SFTPB: variants seen among roughly 807,000 people sequenced by gnomAD.
SFTPB encodes the protein surfactant protein B.
Under a neutral mutation model 51.0 loss-of-function variants are expected in SFTPB, and 32 were observed. The observed-to-expected ratio is 0.63, with a 90% confidence interval of 0.47 to 0.84. SFTPB has a LOEUF of 0.84. Among genes scored for constraint, SFTPB ranks in the 40% least tolerant of loss-of-function variants. SFTPB has a pLI of 0.00. For synonymous variants in SFTPB, 211 were observed against 208.5 expected (o/e 1.01, Z -0.10); for missense variants, 431 against 491.2 (o/e 0.88, Z 1.16).
chr2:85,665,729 C>T lies in SFTPB; in HGVS notation c.459G>A (p.Glu153=), dbSNP rs773765909. ...TGGGCAGGGGGTCTGACATCCCTGG[C>T]TCCTGCTCTGGCTCTGGCTGCCGGG... The part of the protein sequence containing the change: ...CKSRQPEPEQ[E]PGMSDPLPKP... Residue 153 remains glutamate (E), a synonymous_variant, in exon 5 of 11, where the codon GAG becomes GAA. Transcript: ENST00000519937. 7 of 1,614,212 alleles carry T rather than the reference C, an allele frequency of 4.3e-6. No individual in the cohort carries two copies. In the South Asian group the frequency reaches 7.7e-5, roughly 18 times the overall value.
chr2:85,666,666 A>G lies in SFTPB; in HGVS notation c.344T>C (p.Val115Ala). 6.2e-7 allele frequency: 1 copy of G among 1,613,774 alleles called. No homozygotes were observed. Among genetic ancestry groups the G allele is most frequent in the South Asian group, 1.1e-5 (1 of 91,084 alleles). The change falls in exon 4 of 11, where the codon GTG becomes GCG. Residue 115 changes from valine to alanine, a missense_variant. Transcript: ENST00000519937. ...LKLLMPQCNQ[V>A]LDDYFPLVID... is the part of the protein sequence containing the mutation. Reference sequence around the variant, plus strand: ...GACCAGGGGGAAGTAGTCGTCAAGCACTTGGTTGCACTGGGGCATGAGCAG... The same window carrying G: ...GACCAGGGGGAAGTAGTCGTCAAGCGCTTGGTTGCACTGGGGCATGAGCAG...
rs1220808981 is a variant in SFTPB at position 85,665,301 on chromosome 2, G to A, written c.660C>T (p.Ala220=). Reference sequence around the variant, plus strand: ...CTGGATGCCTCACCTTGGGAATCATGGCTTGGATCCGCTTGATCAGAGCCC... The same window carrying A: ...CTGGATGCCTCACCTTGGGAATCATAGCTTGGATCCGCTTGATCAGAGCCC... ...LCRALIKRIQ[A]MIPKGALAVA... is the part of the protein sequence containing the mutation. Residue 220 remains alanine (A), a synonymous_variant, in exon 6 of 11, where the codon GCC becomes GCT. Transcript: ENST00000519937. 1 of 1,613,798 alleles carries A rather than the reference G, an allele frequency of 6.2e-7. No homozygotes were observed.
chr2:85,666,466 T>A, intron 4 of SFTPB, 151 bp downstream of exon 4: 1 of 700,004 alleles, frequency 1.4e-6, no homozygotes, highest in Non-Finnish European at 2.4e-6. Context: ...TGGGGTGCTG[T>A]GTGTTTGTGT....
Position 85,666,090 on chromosome 2 carries a change from C to T in SFTPB, c.394-296G>A, listed in dbSNP as rs148809685. ...AGGGTGTGTGAGCGTACAGGCCCAC[C>T]GTGTGCACCTGAACCTGGGGGCCCA... On this transcript the variant is annotated intron_variant, in intron 4 of 10. Coordinates refer to ENST00000519937, the MANE Select transcript of SFTPB (RefSeq NM_000542.5). Among the ~76,000 whole-genome samples the T allele has an allele frequency of 2.2e-4, 34 of 152,122 alleles. 1 individual carries two copies. In the East Asian group the frequency reaches 2.7e-3, roughly 12 times the overall value.
rs34530476 is a variant in SFTPB, at chr2:85,666,215, CTGTGTGTGTGTGTG to C, written c.393+388_393+401del. ...GGCCAGCTGGGGTGCTGTGTGTGTG[CTGTGTGTGTGTGTG>C]TGTGTGTGTGTGTGTGTGTGTCTGG... On this transcript the variant is annotated intron_variant, in intron 4 of 10. Coordinates refer to ENST00000519937, the MANE Select transcript of SFTPB (RefSeq NM_000542.5). Among the ~76,000 whole-genome samples, 21 of 96,440 alleles carry C rather than the reference CTGTGTGTGTGTGTG, an allele frequency of 2.2e-4. No homozygotes were observed. In the East Asian group the frequency reaches 2.8e-3, roughly 13 times the overall value. 63.3% of individuals were successfully genotyped at this position (96,440 alleles called of 152,430 possible). A position where few individuals can be genotyped will look rare whatever the true frequency, so the allele number is the denominator to read the frequency against.
At chr2:85,661,795 A>T (rs1193972374) in intron 9 of SFTPB, among the ~76,000 whole-genome samples, 1 of 152,118 alleles carries the variant, frequency 6.6e-6, no homozygotes, top group African/African-American at 2.4e-5. Flanking sequence ...GCCCCATCCT[A>T]TAATGGACAT....
chr2:85,668,453 C>T (rs1447248892), upstream of SFTPB, among the ~76,000 whole-genome samples: 1 of 152,242 alleles, frequency 6.6e-6, no homozygotes, highest in Non-Finnish European at 1.5e-5. Context: ...GGCTCTCAAG[C>T]CTCCATACCT....
At chr2:85,661,151 C>A (rs748863563) in intron 10 of SFTPB, 76 of 327,632 alleles carry the variant, frequency 2.3e-4, no homozygotes, top group African/African-American at 1.3e-3. Flanking sequence ...GCCAGAGAGT[C>A]CCTGGGGCAA....
intron 3 of SFTPB, 84 bp from the exon 4 acceptor site, chr2:85,666,826 A>G: frequency 6.4e-7 from 1 of 1,568,768 alleles, no homozygotes; most frequent in Non-Finnish European, 8.8e-7. Context: ...CCACCAGGGC[A>G]GACTGACCCC....
chr2:85,661,788 C>G (rs943503407), intron 9 of SFTPB, among the ~76,000 whole-genome samples: 3 of 152,166 alleles, frequency 2.0e-5, no homozygotes, highest in Non-Finnish European at 4.4e-5. Flanking sequence ...GAACACAGCC[C>G]CATCCTATAA....
At chr2:85,663,265 C>G in intron 8 of SFTPB, 81 bp downstream of exon 8, 5 of 1,583,150 alleles carry the variant, frequency 3.2e-6, no homozygotes, top group Non-Finnish European at 2.6e-6. Flanking sequence ...CTAGGTGTCT[C>G]TGGCTGCAAA....
At chr2:85,663,276 G>A in intron 8 of SFTPB, 70 bp downstream of exon 8, 3 of 1,593,776 alleles carry the variant, frequency 1.9e-6, no homozygotes, top group Non-Finnish European at 2.6e-6. Flanking sequence ...TGGCTGCAAA[G>A]CCTTTCCTGG....
chr2:85,667,023 C>A, intron 3 of SFTPB, 83 bp downstream of exon 3: 2 of 1,292,384 alleles, frequency 1.5e-6, no homozygotes, highest in South Asian at 2.4e-5. Flanking sequence ...CTGGAAATGG[C>A]CCCTTTAGGG....
chr2:85,663,490 C>T lies in SFTPB; in HGVS notation c.858G>A (p.Arg286=), dbSNP rs1254552783. The T allele has an allele frequency of 3.1e-6, 5 of 1,613,842 alleles. No homozygotes were observed. In the East Asian group the frequency reaches 6.7e-5, roughly 22 times the overall value. Residue 286 remains arginine (R), a splice_region_variant and synonymous_variant, in exon 8 of 11, where the codon AGG becomes AGA. Coordinates refer to ENST00000519937, the MANE Select transcript of SFTPB (RefSeq NM_000542.5). ...RCSMDDSAGP[R]SPTGEWLPRD... is the part of the protein sequence containing the mutation. ...GCGGCAGCCATTCTCCTGTCGGCGACCCTGGAGATGTGAGCATTAGGGGGA... is the reference window on the plus strand; with the variant it reads ...GCGGCAGCCATTCTCCTGTCGGCGATCCTGGAGATGTGAGCATTAGGGGGA...
At chr2:85,661,203 G>T (rs1330646577) in intron 10 of SFTPB, 2 of 392,932 alleles carry the variant, frequency 5.1e-6, no homozygotes, top group African/African-American at 2.2e-5. Context: ...GCGGGGGGTT[G>T]GGGGGGAAGC....
At chr2:85,666,269 G>C (rs1677597197) in intron 4 of SFTPB, among the ~76,000 whole-genome samples, 1 of 142,342 alleles carries the variant, frequency 7.0e-6, no homozygotes, top group African/African-American at 2.6e-5. Context: ...CTGGGGTACT[G>C]TGTGGGTATG....
chr2:85,661,032 A>T (rs1677266886), intron 10 of SFTPB, among the ~76,000 whole-genome samples: 2 of 152,184 alleles, frequency 1.3e-5, no homozygotes, highest in African/African-American at 4.8e-5. Flanking sequence ...GAGTCAGATG[A>T]TCACGGCCTT....
At chr2:85,661,901 C>A in intron 9 of SFTPB, 128 bp downstream of exon 9, 1 of 816,384 alleles carries the variant, frequency 1.2e-6, no homozygotes, top group Non-Finnish European at 2.0e-6. Flanking sequence ...GCCTCCCAGT[C>A]CCTGGCCCGT....
Position 85,665,326 on chromosome 2 carries a change from C to T in SFTPB, c.635G>A (p.Arg212Lys). The T allele has an allele frequency of 6.2e-7, 1 of 1,614,122 alleles. No homozygotes were observed. ...GGCTTGGATCCGCTTGATCAGAGCCCTGCAGAGCCAGCAATAGGGGAGAGG... is the reference window on the plus strand; with the variant it reads ...GGCTTGGATCCGCTTGATCAGAGCCTTGCAGAGCCAGCAATAGGGGAGAGG... ...PIPLPYCWLC[R>K]ALIKRIQAMI... is the part of the protein sequence containing the mutation. Residue 212 changes from arginine (R) to lysine (K), a missense_variant, in exon 6 of 11, where the codon AGG (arginine) becomes AAG (lysine). Physicochemically the swap from Arg to Lys is conservative, Grantham distance 26. Transcript: ENST00000519937.
Sources: allele counts gnomAD v4.1 joint callset (sites outside exome capture counted in the v4.1 genomes callset), GRCh38; gene constraint gnomAD v4.1.1; transcripts MANE v1.5; gene names NCBI Gene and HGNC (gene_info 2026-07-23, HGNC 2026-07-21).